FKBP14: variants seen among roughly 807,000 people sequenced by gnomAD.
FKBP14 encodes the protein peptidyl-prolyl cis-trans isomerase FKBP14.
A neutral mutation model predicts 21.6 loss-of-function variants in FKBP14; 20 were observed. That is an observed-to-expected ratio of 0.92 (90% CI 0.65 to 1.34). FKBP14 has a LOEUF of 1.34. FKBP14 is among the 40% of genes most tolerant of loss of function. FKBP14 has a pLI of 0.00. For missense variants in FKBP14, 253 were observed against 249.0 expected (o/e 1.02, Z -0.11); for synonymous variants, 79 against 86.7 (o/e 0.91, Z 0.49).
intron 1 of FKBP14, among the ~76,000 whole-genome samples, chr7:30,023,805 A>T (rs1231427057): frequency 1.3e-5 from 2 of 152,150 alleles, no homozygotes; most frequent in African/African-American, 4.8e-5. Context: ...CGTGAGACTT[A>T]TTTACTATCA....
At chr7:30,018,354 T>A (rs1583729678) in intron 3 of FKBP14, among the ~76,000 whole-genome samples, 1 of 152,332 alleles carries the variant, frequency 6.6e-6, no homozygotes, top group East Asian at 1.9e-4. Flanking sequence ...CTCCACTTCT[T>A]TCCCCGCAGC....
rs1018196644 is a variant in FKBP14 at position 30,018,900 on chromosome 7, T to A, written c.477+96A>T. On this transcript the variant is annotated intron_variant, in intron 3 of 3. Transcript: ENST00000222803. Reference sequence around the variant, plus strand: ...TAAAAGTAGATTTGAAATATACACATATTCATTTAAAAAGTGAGTTACAAA... The same window carrying A: ...TAAAAGTAGATTTGAAATATACACAAATTCATTTAAAAAGTGAGTTACAAA... The A allele has an allele frequency of 1.1e-5, 14 of 1,248,304 alleles. No homozygotes were observed. In the African/African-American group the frequency reaches 1.7e-4, roughly 15 times the overall value. The allele number at this position is 1,248,304 out of a possible 1,614,324, so 77.3% of individuals were successfully genotyped here.
intron 3 of FKBP14, 78 bp from the exon 4 acceptor site, chr7:30,014,971 A>T: frequency 1.1e-6 from 1 of 908,410 alleles, no homozygotes; most frequent in Non-Finnish European, 1.6e-6. Flanking sequence ...ACAGACATGG[A>T]CTGTTATTAT....
At chr7:30,018,157 T>A (rs1354858735) in intron 3 of FKBP14, among the ~76,000 whole-genome samples, 1 of 152,198 alleles carries the variant, frequency 6.6e-6, no homozygotes, top group Non-Finnish European at 1.5e-5. Context: ...GGTAATACTA[T>A]GAGGTGTTAT....
chr7:30,018,022 T>G (rs981803457), intron 3 of FKBP14, among the ~76,000 whole-genome samples: 1 of 150,752 alleles, frequency 6.6e-6, no homozygotes, highest in African/African-American at 2.4e-5. Context: ...AATAAATAAA[T>G]AAATAAATAA....
rs372805238 is a variant in FKBP14, at chr7:30,026,417, A to G, written c.92T>C (p.Val31Ala). 13 of 1,614,046 alleles carry G rather than the reference A, an allele frequency of 8.1e-6. No homozygotes were observed. The African/African-American group carries it at 1.1e-4, about 13-fold the overall frequency. The change falls in exon 1 of 4, where the codon GTT becomes GCT. Residue 31 changes from valine (V) to alanine (A), a missense_variant. Physicochemically the swap from Val to Ala is moderately conservative, Grantham distance 64 (BLOSUM62 0). Coordinates refer to ENST00000222803, the MANE Select transcript of FKBP14 (RefSeq NM_017946.4). ...LIPEPEVKIE[V>A]LQKPFICHRK... ...ATGGCAGATGAATGGCTTCTGGAGAACTTCAATTTTCACTTCTGGTTCAGG... is the reference window on the plus strand; with the variant it reads ...ATGGCAGATGAATGGCTTCTGGAGAGCTTCAATTTTCACTTCTGGTTCAGG...
intron 2 of FKBP14, among the ~76,000 whole-genome samples, chr7:30,020,761 T>C (rs1562838425): frequency 1.3e-5 from 2 of 152,190 alleles, no homozygotes; most frequent in Non-Finnish European, 2.9e-5. Context: ...GGGGAACTAC[T>C]GTATGTAAAT....
downstream of FKBP14, among the ~76,000 whole-genome samples, chr7:30,008,835 G>T (rs1189150513): frequency 1.3e-5 from 2 of 151,982 alleles, no homozygotes; most frequent in Admixed American, 6.6e-5. Flanking sequence ...AATTAGCCGG[G>T]CGTGGTGGCA....
chr7:30,020,421 G>A, intron 2 of FKBP14: 1 of 408,644 alleles, frequency 2.4e-6, no homozygotes, highest in South Asian at 2.1e-5. Flanking sequence ...GTTAAATATA[G>A]TATGAGAAAG....
intron 2 of FKBP14, among the ~76,000 whole-genome samples, chr7:30,019,779 A>G (rs1340496593): frequency 6.6e-6 from 1 of 152,040 alleles, no homozygotes; most frequent in Non-Finnish European, 1.5e-5. Context: ...CAAATAGTAA[A>G]CTCTCAATAC....
At chr7:30,016,576 T>G (rs528967000) in intron 3 of FKBP14, among the ~76,000 whole-genome samples, 1 of 152,070 alleles carries the variant, frequency 6.6e-6, no homozygotes, top group South Asian at 2.1e-4. Flanking sequence ...GTATTTTTAG[T>G]AGAGACAGGG....
At chr7:30,018,399 G>A (rs1034689465) in intron 3 of FKBP14, among the ~76,000 whole-genome samples, 1 of 152,200 alleles carries the variant, frequency 6.6e-6, no homozygotes, top group Non-Finnish European at 1.5e-5. Context: ...AGCAATGGCC[G>A]AATTATAAGG....
At chr7:30,019,475 G>A (rs1331482999) in intron 2 of FKBP14, among the ~76,000 whole-genome samples, 1 of 152,024 alleles carries the variant, frequency 6.6e-6, no homozygotes, top group Non-Finnish European at 1.5e-5. Flanking sequence ...GACTTGAAGG[G>A]TTTTAGATAA....
downstream of FKBP14, among the ~76,000 whole-genome samples, chr7:30,009,235 A>ATT (rs753340209): frequency 4.2e-5 from 6 of 142,820 alleles, no homozygotes; most frequent in Non-Finnish European, 7.7e-5. Context: ...TAGTGCTATA[A>ATT]TTTTTTTTTT....
At chr7:30,018,541 T>C (rs191387063) in intron 3 of FKBP14, among the ~76,000 whole-genome samples, 1 of 152,352 alleles carries the variant, frequency 6.6e-6, no homozygotes, top group Admixed American at 6.5e-5. Flanking sequence ...TGTAAGTTGC[T>C]TGCTGTTAAT....
intron 3 of FKBP14, among the ~76,000 whole-genome samples, chr7:30,016,609 G>T (rs1337216576): frequency 1.3e-5 from 2 of 151,902 alleles, no homozygotes; most frequent in Non-Finnish European, 2.9e-5. Flanking sequence ...GGCCAGGCTG[G>T]CCTCGAACTC....
chr7:30,008,918 TC>T (rs1789664077), downstream of FKBP14, among the ~76,000 whole-genome samples: 1 of 149,750 alleles, frequency 6.7e-6, no homozygotes, highest in Non-Finnish European at 1.5e-5. Flanking sequence ...TGAGCCAAGA[TC>T]CTGGGCGACA....
chr7:30,021,911 C>T (rs530048927), intron 2 of FKBP14, among the ~76,000 whole-genome samples: 1 of 152,316 alleles, frequency 6.6e-6, no homozygotes, highest in Non-Finnish European at 1.5e-5. Flanking sequence ...GGGGTTCTCA[C>T]TTGAACAGCA....
At position 30,012,812 on chromosome 7, in the gene FKBP14, C is replaced by T. The variant is rs562856101; in HGVS notation, c.*1923G>A. On this transcript the variant is annotated 3_prime_UTR_variant, in exon 4 of 4. Transcript: ENST00000222803. ...GTACCAGAAACAGGCAGAAAGCCAT[C>T]TTCAGAGAATGAAGACTCAAAGATA... 6.6e-6 allele frequency: 1 copy of T among 152,308 alleles called. No homozygotes were observed. Among genetic ancestry groups the T allele is most frequent in the South Asian group, 2.1e-4 (1 of 4,826 alleles). The allele number at this position is 152,308 out of a possible 1,614,324, so 9.4% of individuals were successfully genotyped here. A position where few individuals can be genotyped will look rare whatever the true frequency, so the allele number is the denominator to read the frequency against.
Sources: allele counts gnomAD v4.1 joint callset (sites outside exome capture counted in the v4.1 genomes callset), GRCh38; gene constraint gnomAD v4.1.1; transcripts MANE v1.5; gene names NCBI Gene and HGNC (gene_info 2026-07-23, HGNC 2026-07-21).